PPM1H: variants seen among roughly 807,000 people sequenced by gnomAD.
PPM1H encodes the protein protein phosphatase 1H.
In PPM1H, 27 loss-of-function variants were observed where a neutral mutation model predicts 54.9. That is an observed-to-expected ratio of 0.49 (90% CI 0.36 to 0.68). The LOEUF (loss-of-function observed/expected upper bound fraction) is 0.68, where lower values mean the gene tolerates loss of function less well. Ranked by LOEUF, PPM1H falls within the 30% of genes least tolerant of loss-of-function variation. PPM1H has a pLI of 0.00. For synonymous variants in PPM1H, 305 were observed against 270.8 expected (o/e 1.13, Z -1.24); for missense variants, 596 against 667.8 (o/e 0.89, Z 1.19).
At chr12:62,684,993 C>T (rs868487303) in intron 8 of PPM1H, among the ~76,000 whole-genome samples, 5 of 152,046 alleles carry the variant, frequency 3.3e-5, no homozygotes, top group Admixed American at 6.5e-5. Flanking sequence ...GCTGCTCTTC[C>T]GCTTCCCTTC....
chr12:62,661,436 T>C (rs531195356), intron 9 of PPM1H, among the ~76,000 whole-genome samples: 1 of 152,376 alleles, frequency 6.6e-6, no homozygotes, highest in African/African-American at 2.4e-5. Flanking sequence ...GGTCTCGCTC[T>C]GTTGCCCAGG....
chr12:62,740,881 C>T (rs2076377786), intron 4 of PPM1H, among the ~76,000 whole-genome samples: 1 of 152,200 alleles, frequency 6.6e-6, no homozygotes, highest in Admixed American at 6.5e-5. Flanking sequence ...ACAAAGATAG[C>T]CCTGAGTGTA....
chr12:62,690,870 C>G (rs1410627651), intron 7 of PPM1H, among the ~76,000 whole-genome samples: 1 of 152,168 alleles, frequency 6.6e-6, no homozygotes, highest in East Asian at 1.9e-4. Context: ...TGCTTGGAGG[C>G]TGAGGCATGA....
At chr12:62,801,577 AT>A (rs1158793101) in intron 3 of PPM1H, among the ~76,000 whole-genome samples, 1 of 152,100 alleles carries the variant, frequency 6.6e-6, no homozygotes, top group Non-Finnish European at 1.5e-5. Context: ...AAGTGCTGGG[AT>A]TTCAAGCGTG....
At chr12:62,711,439 G>T (rs1353459898) in intron 6 of PPM1H, among the ~76,000 whole-genome samples, 1 of 152,208 alleles carries the variant, frequency 6.6e-6, no homozygotes, top group African/African-American at 2.4e-5. Flanking sequence ...TGTGTAGTAG[G>T]TGTACAATAC....
intron 2 of PPM1H, among the ~76,000 whole-genome samples, chr12:62,809,795 TC>T (rs1386745809): frequency 7.2e-5 from 11 of 152,314 alleles, no homozygotes; most frequent in African/African-American, 2.6e-4. Context: ...CTTCAGCACA[TC>T]TCTTGCTTCC....
At chr12:62,885,030 CG>C (rs547340521) in intron 1 of PPM1H, among the ~76,000 whole-genome samples, 7 of 152,004 alleles carry the variant, frequency 4.6e-5, no homozygotes, top group Non-Finnish European at 1.0e-4. Flanking sequence ...AGAATCATGG[CG>C]GGAGGTGAAA....
At chr12:62,667,445 T>C (rs1042064138) in intron 8 of PPM1H, 116 bp from the exon 9 acceptor site, 1 of 928,820 alleles carries the variant, frequency 1.1e-6, no homozygotes, top group Non-Finnish European at 1.6e-6. Flanking sequence ...TTTTCAGATA[T>C]GCATTGTAGG....
At chr12:62,819,775 G>C (rs969706978) in intron 2 of PPM1H, among the ~76,000 whole-genome samples, 1 of 152,122 alleles carries the variant, frequency 6.6e-6, no homozygotes, top group African/African-American at 2.4e-5. Flanking sequence ...TTTAAGTCAG[G>C]TGCCACTGTC....
intron 2 of PPM1H, among the ~76,000 whole-genome samples, chr12:62,809,444 T>C (rs2120772249): frequency 6.6e-6 from 1 of 152,250 alleles, no homozygotes; most frequent in South Asian, 2.1e-4. Flanking sequence ...ATAGGCAGGA[T>C]GGTTTGATGC....
intron 8 of PPM1H, among the ~76,000 whole-genome samples, chr12:62,686,857 C>A (rs1441244086): frequency 6.6e-6 from 1 of 151,312 alleles, no homozygotes; most frequent in Non-Finnish European, 1.5e-5. Flanking sequence ...ACTATGGATG[C>A]CAGCCCAGCT....
intron 1 of PPM1H, among the ~76,000 whole-genome samples, chr12:62,849,102 G>A (rs1191521172): frequency 6.6e-6 from 1 of 152,148 alleles, no homozygotes. Flanking sequence ...GAGGGCAGGG[G>A]ACACACAGGA....
At chr12:62,875,532 C>T (rs953154409) in intron 1 of PPM1H, among the ~76,000 whole-genome samples, 1 of 152,110 alleles carries the variant, frequency 6.6e-6, no homozygotes, top group African/African-American at 2.4e-5. Context: ...CAAAATTAGG[C>T]TTTAGGAATG....
At chr12:62,903,595 A>G (rs1308682931) in intron 1 of PPM1H, among the ~76,000 whole-genome samples, 1 of 152,202 alleles carries the variant, frequency 6.6e-6, no homozygotes, top group African/African-American at 2.4e-5. Flanking sequence ...ACTCAGACAG[A>G]AAATCATGGA....
At chr12:62,871,622 C>T (rs1869988765) in intron 1 of PPM1H, among the ~76,000 whole-genome samples, 1 of 151,616 alleles carries the variant, frequency 6.6e-6, no homozygotes, top group African/African-American at 2.4e-5. Context: ...TCAAGCCATC[C>T]TCCCATCTCA....
intron 4 of PPM1H, among the ~76,000 whole-genome samples, chr12:62,777,731 T>A (rs2076619669): frequency 6.6e-6 from 1 of 152,188 alleles, no homozygotes; most frequent in Admixed American, 6.5e-5. Context: ...GGTATATCAT[T>A]TAAAAATCTT....
rs2075799110 is a variant in PPM1H at position 62,648,554 on chromosome 12, G to C, written c.1480C>G (p.Leu494Val). 2 of 1,613,962 alleles carry C rather than the reference G, an allele frequency of 1.2e-6. No homozygotes were observed. Among genetic ancestry groups the C allele is most frequent in the East Asian group, 4.5e-5 (2 of 44,888 alleles). ...ACAGAAATGTCGTCTCCTGAGCCCA[G>C]TCGGTCATTAGATATCCGCCATCCT... is the stretch of plus-strand genomic sequence containing the variant. ...DRGWRISNDR[L>V]GSGDDISVYV... Residue 494 changes from leucine (L) to valine (V), a missense_variant, in exon 10 of 10, where the codon CTG becomes GTG. This residue lies in a region of PPM1H where 208 missense variants were observed against 259.5 expected (regional missense o/e 0.80). Transcript: ENST00000228705.
intron 9 of PPM1H, chr12:62,659,237 G>A (rs2075866253): frequency 4.8e-6 from 2 of 413,148 alleles, no homozygotes; most frequent in Non-Finnish European, 9.1e-6. Flanking sequence ...CAGCTCATGT[G>A]CACATTGTGT....
intron 1 of PPM1H, among the ~76,000 whole-genome samples, chr12:62,875,494 C>G (rs146233724): frequency 0.013 from 1,970 of 152,260 alleles, 26 homozygotes; most frequent in Middle Eastern, 0.024. Context: ...CAAGAATGAA[C>G]TGAGGATTAC....
Sources: gnomAD v4.1 joint callset for allele counts (sites outside exome capture counted in the v4.1 genomes callset) on GRCh38, gnomAD v4.1.1 for gene constraint, gnomAD v4.1.1 regional missense constraint, MANE v1.5 for transcripts, NCBI Gene and HGNC (gene_info 2026-07-23, HGNC 2026-07-21) for gene names.